The following USP40 variants were observed in gnomAD, a reference collection of about 807,000 sequenced individuals.
USP40 encodes the protein ubiquitin carboxyl-terminal hydrolase 40.
USP40 carries 143 observed loss-of-function variants against 166.2 expected under a neutral mutation model. That is an observed-to-expected ratio of 0.86 (90% CI 0.75 to 0.99). The LOEUF (loss-of-function observed/expected upper bound fraction) is 0.99, where lower values mean the gene tolerates loss of function less well. USP40 is among the 50% of genes least tolerant of loss of function. USP40 has a pLI of 0.00. For missense variants in USP40, 1,444 were observed against 1,479.7 expected (o/e 0.98, Z 0.40); for synonymous variants, 498 against 524.0 (o/e 0.95, Z 0.68).
At chr2:233,511,670 A>G in intron 20 of USP40, 39 bp downstream of exon 20, 1 of 1,530,296 alleles carries the variant, frequency 6.5e-7, no homozygotes, top group Non-Finnish European at 9.0e-7. Flanking sequence ...TGGTTATGGA[A>G]GGGTTGATTT....
rs956463563 is a variant in USP40, at chr2:233,475,756, T to A, written c.*1636A>T. 2 of 152,410 alleles carry A rather than the reference T, an allele frequency of 1.3e-5. No individual in the cohort carries two copies. Among genetic ancestry groups the A allele is most frequent in the African/African-American group, 4.8e-5 (2 of 41,472 alleles). The allele number at this position is 152,410 out of a possible 1,614,324, so 9.4% of individuals were successfully genotyped here. On this transcript the variant is annotated 3_prime_UTR_variant, in exon 32 of 32. Coordinates refer to ENST00000678225, the MANE Select transcript of USP40 (RefSeq NM_001365479.2). ...TCTGGCCTCTCGAAGGCAAAGCTTTTCAGCGATTTCATTAATATTTCATTA... is the reference window on the plus strand; with the variant it reads ...TCTGGCCTCTCGAAGGCAAAGCTTTACAGCGATTTCATTAATATTTCATTA...
At chr2:233,507,074 C>T (rs528922169) in intron 21 of USP40, among the ~76,000 whole-genome samples, 3 of 152,134 alleles carry the variant, frequency 2.0e-5, no homozygotes, top group African/African-American at 7.2e-5. Context: ...ACAAAAAATG[C>T]TCAACATCAC....
intron 17 of USP40, among the ~76,000 whole-genome samples, chr2:233,520,430 T>C (rs1056350252): frequency 2.0e-5 from 3 of 151,936 alleles, no homozygotes; most frequent in African/African-American, 7.2e-5. Flanking sequence ...TTTCAACTTG[T>C]TATAGAAAAA....
At chr2:233,540,902 C>A (rs745756926) in intron 9 of USP40, 133 bp from the exon 10 acceptor site, 37 of 457,006 alleles carry the variant, frequency 8.1e-5, no homozygotes, top group Non-Finnish European at 1.2e-4. Flanking sequence ...TTGATTCCAT[C>A]ATAATTATTT....
chr2:233,559,506 G>A (rs888009996), intron 4 of USP40, among the ~76,000 whole-genome samples: 1 of 152,170 alleles, frequency 6.6e-6, no homozygotes, highest in African/African-American at 2.4e-5. Flanking sequence ...TGTAATCGGT[G>A]TTGTATCTCA....
chr2:233,527,040 G>A (rs1054181748), intron 13 of USP40, among the ~76,000 whole-genome samples: 49 of 152,056 alleles, frequency 3.2e-4, no homozygotes, highest in Non-Finnish European at 1.0e-4. Context: ...AGTTAGTTGC[G>A]TTTATTTGTT....
At chr2:233,494,960 A>ATATATATATTTT (rs2065636896) in intron 24 of USP40, among the ~76,000 whole-genome samples, 1 of 61,792 alleles carries the variant, frequency 1.6e-5, no homozygotes, top group African/African-American at 8.8e-5. Flanking sequence ...ATATATTTAT[A>ATATATATATTTT]TATATATATA....
chr2:233,543,657 A>G (rs1287861021), intron 8 of USP40, among the ~76,000 whole-genome samples: 1 of 152,244 alleles, frequency 6.6e-6, no homozygotes, highest in Non-Finnish European at 1.5e-5. Context: ...GGACACAGCA[A>G]GAAAGAGTCA....
chr2:233,547,142 A>C (rs2070026272), intron 8 of USP40: 1 of 152,230 alleles, frequency 6.6e-6, no homozygotes, highest in Non-Finnish European at 1.5e-5. Flanking sequence ...GATGACTTCA[A>C]CATGAGTGTT....
At chr2:233,557,732 G>C (rs774398127) in intron 4 of USP40, among the ~76,000 whole-genome samples, 7 of 152,170 alleles carry the variant, frequency 4.6e-5, no homozygotes, top group Non-Finnish European at 7.4e-5. Context: ...GCTGAGAACA[G>C]AGAAGTGTCT....
intron 1 of USP40, 65 bp from the exon 2 acceptor site, chr2:233,565,638 T>C: frequency 7.4e-7 from 1 of 1,343,166 alleles, no homozygotes. Context: ...TCCCCCTACC[T>C]TACACTTGGG....
chr2:233,510,292 T>C (rs2066714983), intron 20 of USP40, among the ~76,000 whole-genome samples, 157 bp from the exon 21 acceptor site: 1 of 151,800 alleles, frequency 6.6e-6, no homozygotes, highest in Non-Finnish European at 1.5e-5. Flanking sequence ...ATGTTACAAT[T>C]TAAGCAATAA....
chr2:233,505,653 A>C (rs1306320538), intron 21 of USP40, among the ~76,000 whole-genome samples: 1 of 152,204 alleles, frequency 6.6e-6, no homozygotes, highest in African/African-American at 2.4e-5. Context: ...TGAACAGGCC[A>C]ACAAGTGAGA....
intron 11 of USP40, among the ~76,000 whole-genome samples, chr2:233,531,544 T>C (rs1174942016): frequency 6.6e-6 from 1 of 152,238 alleles, no homozygotes; most frequent in African/African-American, 2.4e-5. Flanking sequence ...TTTCTGATAG[T>C]ATATATTTCT....
chr2:233,488,012 G>C (rs1315501833), intron 28 of USP40: 2 of 686,728 alleles, frequency 2.9e-6, no homozygotes, highest in African/African-American at 3.5e-5. Context: ...TGCACCTGGT[G>C]ATTACTGAAA....
intron 24 of USP40, among the ~76,000 whole-genome samples, chr2:233,495,967 C>T (rs1454776786): frequency 2.0e-5 from 3 of 152,070 alleles, no homozygotes; most frequent in East Asian, 3.9e-4. Flanking sequence ...AACAATGTAG[C>T]GAATACATTA....
In USP40 at chr2:233,517,043, T is replaced by C. The variant is rs550778892; in HGVS notation, c.2383+2571A>G. On this transcript the variant is annotated intron_variant, in intron 18 of 31. Transcript: ENST00000678225. ...TAATATTTTATGCTATTATAAATGT[T>C]TTCTTAATTTTGATGTCGATTTTGT... Among the ~76,000 whole-genome samples, 6 of 152,342 alleles carry C rather than the reference T, an allele frequency of 3.9e-5. No homozygotes were observed. The South Asian group carries it at 1.2e-3, about 32-fold the overall frequency.
chr2:233,548,711 T>A (rs941600968), intron 8 of USP40, among the ~76,000 whole-genome samples: 1 of 152,130 alleles, frequency 6.6e-6, no homozygotes, highest in African/African-American at 2.4e-5. Context: ...TAAGATAACA[T>A]CCTTGGTTTT....
chr2:233,529,906 T>C (rs1286412145), intron 11 of USP40, among the ~76,000 whole-genome samples: 3 of 148,828 alleles, frequency 2.0e-5, no homozygotes, highest in Non-Finnish European at 3.0e-5. Context: ...GTTCAAGCAA[T>C]TCTCGTGCCT....
Sources: allele counts gnomAD v4.1 joint callset (sites outside exome capture counted in the v4.1 genomes callset), GRCh38; gene constraint gnomAD v4.1.1; transcripts MANE v1.5; gene names NCBI Gene and HGNC (gene_info 2026-07-23, HGNC 2026-07-21).